Variants in RABGAP1L observed in about 807,000 individuals in gnomAD.
RABGAP1L encodes RAB GTPase activating protein 1 like.
In RABGAP1L, 63 loss-of-function variants were observed where a neutral mutation model predicts 137.7. The ratio of observed to expected loss-of-function variants is 0.46; its 90% CI spans 0.37 to 0.56. RABGAP1L has a LOEUF of 0.56. Among genes scored for constraint, RABGAP1L ranks in the 20% least tolerant of loss-of-function variants. The pLI is 0.00. For missense variants in RABGAP1L, 1,095 were observed against 1,244.0 expected, an observed-to-expected ratio of 0.88 and a Z score of 1.80; for synonymous variants, 431 against 433.7, an observed-to-expected ratio of 0.99 and a Z score of 0.08.
intron 20 of RABGAP1L, among the ~76,000 whole-genome samples, chr1:174,964,392 A>T (rs765048717): frequency 1.3e-5 from 2 of 152,136 alleles, no homozygotes; most frequent in Non-Finnish European, 2.9e-5. Flanking sequence ...TTTACTTTTA[A>T]TTAACAGTTC....
At chr1:174,714,759 C>T (rs1680863097) in intron 17 of RABGAP1L, among the ~76,000 whole-genome samples, 1 of 152,156 alleles carries the variant, frequency 6.6e-6, no homozygotes, top group African/African-American at 2.4e-5. Context: ...TATTCTCTAT[C>T]AATCTCTATG....
chr1:174,219,820 A>G (rs907541178), intron 2 of RABGAP1L, among the ~76,000 whole-genome samples: 2 of 152,176 alleles, frequency 1.3e-5, no homozygotes, highest in Non-Finnish European at 2.9e-5. Flanking sequence ...TTCTAAGTCA[A>G]AGAAAAGGAA....
intron 1 of RABGAP1L, among the ~76,000 whole-genome samples, chr1:174,185,868 G>A (rs1471654392): frequency 6.6e-6 from 1 of 152,208 alleles, no homozygotes; most frequent in Non-Finnish European, 1.5e-5. Context: ...TAAAGTCGGG[G>A]CGCGGTGGCT....
intron 19 of RABGAP1L, among the ~76,000 whole-genome samples, chr1:174,924,598 G>A (rs1662401883): frequency 6.6e-6 from 1 of 152,044 alleles, no homozygotes; most frequent in Non-Finnish European, 1.5e-5. Context: ...CCCAGGCCCA[G>A]AAAAGATTTT....
intron 1 of RABGAP1L, among the ~76,000 whole-genome samples, chr1:174,218,303 T>C (rs1669493526): frequency 6.6e-6 from 1 of 152,176 alleles, no homozygotes. Context: ...CTTACTAGTA[T>C]GTAAGCCCCA....
intron 15 of RABGAP1L, among the ~76,000 whole-genome samples, chr1:174,692,124 A>G (rs1678916519): frequency 6.6e-6 from 1 of 152,324 alleles, no homozygotes; most frequent in African/African-American, 2.4e-5. Context: ...GGCAGTTACC[A>G]ACAGATTGCC....
intron 21 of RABGAP1L, among the ~76,000 whole-genome samples, chr1:174,969,947 A>G (rs150797233): frequency 7.7e-4 from 117 of 152,364 alleles, no homozygotes; most frequent in African/African-American, 2.6e-3. Context: ...TAGAGATGAT[A>G]TAACAATTAA....
chr1:174,674,214 A>G (rs1056792263), intron 14 of RABGAP1L, among the ~76,000 whole-genome samples: 1 of 148,624 alleles, frequency 6.7e-6, no homozygotes, highest in Admixed American at 6.7e-5. Flanking sequence ...CATTAGGTGT[A>G]TCTCCTAATG....
chr1:174,964,855 A>C, intron 20 of RABGAP1L: 1 of 1,437,824 alleles, frequency 7.0e-7, no homozygotes, highest in Non-Finnish European at 9.1e-7. Context: ...GAGCATTAAG[A>C]AGTGTCTGTT....
At chr1:174,576,657 A>G (rs1455098498) in intron 13 of RABGAP1L, among the ~76,000 whole-genome samples, 2 of 152,124 alleles carry the variant, frequency 1.3e-5, no homozygotes, top group Non-Finnish European at 2.9e-5. Context: ...CTATTTATTT[A>G]TGCTGTTTAT....
At chr1:174,433,609 G>C (rs1032750379) in intron 13 of RABGAP1L, among the ~76,000 whole-genome samples, 2 of 152,134 alleles carry the variant, frequency 1.3e-5, no homozygotes, top group Non-Finnish European at 2.9e-5. Flanking sequence ...TGTCTCACTT[G>C]CAGCTGGGCT....
chr1:174,441,251 G>A (rs538010098), intron 13 of RABGAP1L, among the ~76,000 whole-genome samples: 60 of 151,798 alleles, frequency 4.0e-4, no homozygotes, highest in Middle Eastern at 6.8e-3. Context: ...AAAAAAAATG[G>A]CAATAATAAG....
chr1:174,199,361 G>T (rs1667940273), intron 1 of RABGAP1L, among the ~76,000 whole-genome samples: 1 of 151,648 alleles, frequency 6.6e-6, no homozygotes, highest in Non-Finnish European at 1.5e-5. Flanking sequence ...GTGTGGTCTT[G>T]GCTCACTGCA....
intron 14 of RABGAP1L, among the ~76,000 whole-genome samples, chr1:174,640,966 AATTATATTAATTAAATATAATTTTAG>A (rs1179743826): frequency 1.8e-5 from 2 of 111,908 alleles, no homozygotes; most frequent in South Asian, 2.6e-4. Flanking sequence ...TATTATATTT[AATTATATTAATTAAATATAATTTTAG>A]ATTATATTAA....
At chr1:174,829,661 T>C (rs995036915) in intron 19 of RABGAP1L, among the ~76,000 whole-genome samples, 2 of 148,578 alleles carry the variant, frequency 1.3e-5, no homozygotes, top group African/African-American at 4.9e-5. Context: ...CCACAGACTT[T>C]AAAACAGAGT....
intron 1 of RABGAP1L, among the ~76,000 whole-genome samples, chr1:174,168,360 A>G (rs1015145108): frequency 2.0e-5 from 3 of 151,802 alleles, no homozygotes; most frequent in African/African-American, 7.3e-5. Context: ...GAGGTTATAT[A>G]TATATTGGCA....
chr1:174,608,115 G>A (rs1292566719), intron 13 of RABGAP1L, among the ~76,000 whole-genome samples: 2 of 152,156 alleles, frequency 1.3e-5, no homozygotes, highest in African/African-American at 4.8e-5. Flanking sequence ...AGATGTGAGT[G>A]CCCAACAAAG....
chr1:174,441,684 A>G (rs1654169183), intron 13 of RABGAP1L, among the ~76,000 whole-genome samples: 1 of 152,156 alleles, frequency 6.6e-6, no homozygotes, highest in Non-Finnish European at 1.5e-5. Flanking sequence ...CAGTGAGCCG[A>G]GATCATGCTA....
chr1:174,212,551 G>C (rs1477484335), intron 1 of RABGAP1L, among the ~76,000 whole-genome samples: 1 of 151,926 alleles, frequency 6.6e-6, no homozygotes, highest in Non-Finnish European at 1.5e-5. Context: ...GCAGTACTAA[G>C]AGGGAAATTT....
Sources: allele counts gnomAD v4.1 joint callset (sites outside exome capture counted in the v4.1 genomes callset), GRCh38; gene constraint gnomAD v4.1.1; transcripts MANE v1.5; gene names NCBI Gene and HGNC (gene_info 2026-07-23, HGNC 2026-07-21).